Variants in SNCAIP observed in about 807,000 individuals in gnomAD.
SNCAIP encodes the protein synuclein alpha interacting protein, also known as synphilin-1.
In SNCAIP, 43 loss-of-function variants were observed where a neutral mutation model predicts 86.7. The observed-to-expected ratio is 0.50, with a 90% CI of 0.39 to 0.64. SNCAIP has a LOEUF of 0.64. Among genes scored for constraint, SNCAIP ranks in the 30% least tolerant of loss-of-function variants. SNCAIP has a pLI of 0.00. For synonymous variants in SNCAIP, 417 were observed against 427.2 expected (o/e 0.98, Z 0.29); for missense variants, 981 against 1,103.1 (o/e 0.89, Z 1.57).
At chr5:122,382,303 T>C (rs937894262) in intron 1 of SNCAIP, among the ~76,000 whole-genome samples, 3 of 152,208 alleles carry the variant, frequency 2.0e-5, no homozygotes, top group Non-Finnish European at 2.9e-5. Flanking sequence ...CATCTTCCAT[T>C]GCTGATACCC....
chr5:122,311,709 A>T (rs1034505418), upstream of SNCAIP: 3 of 152,814 alleles, frequency 2.0e-5, no homozygotes, highest in African/African-American at 7.2e-5. Flanking sequence ...AAGCGCGGAC[A>T]AAAAGTAGGC....
chr5:122,417,439 G>A (rs1289355076), intron 3 of SNCAIP, among the ~76,000 whole-genome samples: 2 of 152,166 alleles, frequency 1.3e-5, no homozygotes, highest in Non-Finnish European at 2.9e-5. Context: ...TTTTACAGAT[G>A]AGGAAACTGA....
chr5:122,375,766 C>G (rs917158786), intron 1 of SNCAIP, among the ~76,000 whole-genome samples: 1 of 151,988 alleles, frequency 6.6e-6, no homozygotes, highest in Non-Finnish European at 1.5e-5. Flanking sequence ...AATAAAAAGA[C>G]CTAAGACCCT....
intron 3 of SNCAIP, among the ~76,000 whole-genome samples, chr5:122,411,049 T>A (rs1581077445): frequency 1.3e-5 from 2 of 152,280 alleles, no homozygotes; most frequent in Non-Finnish European, 2.9e-5. Flanking sequence ...AAACTCACAG[T>A]CTTCTCTCCT....
rs74486271 is a variant in SNCAIP, at chr5:122,447,744, T to C, written c.1593-2101T>C. 1.8e-3 allele frequency among the ~76,000 whole-genome samples: 273 copies of C among 152,364 alleles called. 5 individuals carry two copies. The East Asian group carries it at 0.037, about 21-fold the overall frequency. On this transcript the variant is annotated intron_variant, in intron 8 of 10. Coordinates refer to ENST00000261368, the MANE Select transcript of SNCAIP (RefSeq NM_005460.4). The stretch of plus-strand genomic sequence containing the variant: ...GACCAAATCTAGCCCATCAGTTGTT[T>C]TCATAAATAAAATGTTACTGGAACA...
intron 1 of SNCAIP, among the ~76,000 whole-genome samples, chr5:122,332,828 C>G (rs938323996): frequency 1.7e-4 from 26 of 152,254 alleles, no homozygotes; most frequent in African/African-American, 6.0e-4. Flanking sequence ...TTAGAACAAG[C>G]AATGGGAGAA....
At position 122,423,309 on chromosome 5, in the gene SNCAIP, C is replaced by T; in HGVS notation, c.572C>T (p.Ala191Val). The change falls in exon 4 of 11, where the codon GCC becomes GTC. Residue 191 changes from alanine (A) to valine (V), a missense_variant. Coordinates refer to ENST00000261368, the MANE Select transcript of SNCAIP (RefSeq NM_005460.4). Reference sequence around the variant, plus strand: ...ACCATCAATGGCCTTTCTGGCAAAGCCTGCTCTACAGGAAGTTCTGAGAGC... The same window carrying T: ...ACCATCAATGGCCTTTCTGGCAAAGTCTGCTCTACAGGAAGTTCTGAGAGC... ...CTTINGLSGK[A>V]CSTGSSESSS... 1 of 1,614,180 alleles carries T rather than the reference C, an allele frequency of 6.2e-7. No homozygotes were observed. Among genetic ancestry groups the T allele is most frequent in the Non-Finnish European group, 8.5e-7 (1 of 1,180,008 alleles).
intron 10 of SNCAIP, chr5:122,453,134 A>AT: frequency 1.8e-6 from 1 of 570,788 alleles, no homozygotes; most frequent in East Asian, 2.9e-5. Context: ...TATTCCCCCA[A>AT]GTAGAAGCAG....
intron 8 of SNCAIP, among the ~76,000 whole-genome samples, chr5:122,448,682 T>TATACATATATATA: frequency 7.3e-6 from 1 of 136,268 alleles, no homozygotes; most frequent in Non-Finnish European, 1.5e-5. Flanking sequence ...ATATATGTTA[T>TATACATATATATA]ATATATATTA....
At chr5:122,373,001 A>G (rs1256861505) in intron 1 of SNCAIP, among the ~76,000 whole-genome samples, 2 of 152,134 alleles carry the variant, frequency 1.3e-5, no homozygotes, top group Non-Finnish European at 2.9e-5. Flanking sequence ...TATTGCTCTC[A>G]TTTTTAATTT....
At chr5:122,361,624 A>G (rs1409069183) in intron 1 of SNCAIP, among the ~76,000 whole-genome samples, 4 of 152,154 alleles carry the variant, frequency 2.6e-5, no homozygotes, top group Middle Eastern at 3.2e-3. Context: ...GTAACCTTGA[A>G]ACTGTGGGAG....
intron 10 of SNCAIP, among the ~76,000 whole-genome samples, chr5:122,457,266 G>T (rs1947513990): frequency 6.6e-6 from 1 of 152,146 alleles, no homozygotes; most frequent in African/African-American, 2.4e-5. Flanking sequence ...GCCTCCCAAA[G>T]TGTTGGGATT....
At position 122,450,764 on chromosome 5, in the gene SNCAIP, C is replaced by T. The variant is rs780534859; in HGVS notation, c.1917C>T (p.Ser639=). ...SENVCTQEKL[S]LEFQDAQASS... ...ATGTCTGCACCCAGGAAAAACTGTCCTTGGAATTCCAGGATGCTCAGGCTT... is the reference window on the plus strand; with the variant it reads ...ATGTCTGCACCCAGGAAAAACTGTCTTTGGAATTCCAGGATGCTCAGGCTT... The change falls in exon 10 of 11, where the codon TCC becomes TCT. Residue 639 remains serine, a synonymous_variant. Transcript: ENST00000261368. 7 of 1,613,954 alleles carry T rather than the reference C, an allele frequency of 4.3e-6. No homozygotes were observed. The South Asian group carries it at 7.7e-5, about 18-fold the overall frequency.
chr5:122,458,669 C>T (rs922328027), intron 10 of SNCAIP, among the ~76,000 whole-genome samples: 1 of 152,204 alleles, frequency 6.6e-6, no homozygotes, highest in African/African-American at 2.4e-5. Context: ...GACAATCTTC[C>T]TAATGCCACA....
intron 2 of SNCAIP, among the ~76,000 whole-genome samples, chr5:122,391,392 T>C (rs1419523730): frequency 6.6e-6 from 1 of 152,226 alleles, no homozygotes; most frequent in Non-Finnish European, 1.5e-5. Context: ...AGTGTGTGTT[T>C]TGGAAGATGA....
rs1023374901 is a variant in SNCAIP at position 122,434,628 on chromosome 5, A to AG, written c.1296+2552dup. Among the ~76,000 whole-genome samples the AG allele has an allele frequency of 7.2e-5, 11 of 152,250 alleles. No homozygotes were observed. In the South Asian group the frequency reaches 1.2e-3, roughly 17 times the overall value. ...TTTTATGACCTAAAATACAGCTCTGAGGGGGGCAGTCCAGCAGTGCCCTTA... is the reference window on the plus strand; with the variant it reads ...TTTTATGACCTAAAATACAGCTCTGAGGGGGGGCAGTCCAGCAGTGCCCTTA... On this transcript the variant is annotated intron_variant, in intron 6 of 10. Transcript: ENST00000261368.
chr5:122,428,540 T>C (rs1188115628), intron 5 of SNCAIP, among the ~76,000 whole-genome samples: 1 of 151,898 alleles, frequency 6.6e-6, no homozygotes, highest in Non-Finnish European at 1.5e-5. Flanking sequence ...ATAGACCAAA[T>C]GTTAGGCTAT....
Position 122,450,643 on chromosome 5 carries a change from G to T in SNCAIP, c.1796G>T (p.Gly599Val). 1 of 1,614,076 alleles carries T rather than the reference G, an allele frequency of 6.2e-7. No homozygotes were observed. Among genetic ancestry groups the T allele is most frequent in the South Asian group, 1.1e-5 (1 of 91,076 alleles). Reference protein sequence around the residue: ...PGVQEGIQVLGSLSASSRARP... With the variant: ...PGVQEGIQVLVSLSASSRARP... ...GTCCAAGAGGGGATTCAGGTTCTTG[G>T]AAGCCTGTCAGCCTCCAGCCGGGCT... Residue 599 changes from glycine (G) to valine (V), a missense_variant, in exon 10 of 11, where the codon GGA (glycine) becomes GTA (valine). Physicochemically the swap from Gly to Val is moderately radical, Grantham distance 109. Transcript: ENST00000261368.
intron 3 of SNCAIP, among the ~76,000 whole-genome samples, chr5:122,408,339 G>A (rs546352980): frequency 1.5e-4 from 23 of 152,242 alleles, no homozygotes; most frequent in South Asian, 1.0e-3. Flanking sequence ...AAAACAAGCC[G>A]TGTTTGTGGC....
Sources: allele counts gnomAD v4.1 joint callset (sites outside exome capture counted in the v4.1 genomes callset), GRCh38; gene constraint gnomAD v4.1.1; transcripts MANE v1.5; gene names NCBI Gene and HGNC (gene_info 2026-07-23, HGNC 2026-07-21).